Variants in SLC7A7 observed in about 807,000 individuals in gnomAD.
SLC7A7 encodes the protein solute carrier family 7 member 7.
A neutral mutation model predicts 47.9 loss-of-function variants in SLC7A7; 39 were observed. The observed-to-expected ratio is 0.81, with a 90% CI of 0.63 to 1.06. SLC7A7 has a LOEUF of 1.06. Ranked by LOEUF, SLC7A7 falls within the 50% of genes least tolerant of loss-of-function variation. The pLI is 0.00. For synonymous variants in SLC7A7, 234 were observed against 242.8 expected (o/e 0.96, Z 0.34); for missense variants, 588 against 632.0 (o/e 0.93, Z 0.75).
chr14:22,794,330 G>T (rs563879370), intron 2 of SLC7A7, among the ~76,000 whole-genome samples: 1 of 152,084 alleles, frequency 6.6e-6, no homozygotes, highest in Admixed American at 6.6e-5. Flanking sequence ...GAGTCCTCCC[G>T]CTCTCCTTCC....
At chr14:22,810,126 G>A (rs916244345) in intron 2 of SLC7A7, among the ~76,000 whole-genome samples, 2 of 151,032 alleles carry the variant, frequency 1.3e-5, no homozygotes, top group African/African-American at 2.4e-5. Flanking sequence ...TCAGAATCGA[G>A]GAACAAGAGC....
intron 2 of SLC7A7, among the ~76,000 whole-genome samples, chr14:22,810,255 C>T (rs1049064829): frequency 6.7e-6 from 1 of 149,802 alleles, no homozygotes. Flanking sequence ...ACCTGAGGTC[C>T]GGAGTTCGAG....
intron 1 of SLC7A7, among the ~76,000 whole-genome samples, chr14:22,814,259 A>G (rs2138666975): frequency 6.6e-6 from 1 of 151,710 alleles, no homozygotes; most frequent in East Asian, 2.0e-4. Flanking sequence ...CAAGGCGGGC[A>G]GATCACCTAA....
At chr14:22,786,490 T>C (rs1424013154) in intron 2 of SLC7A7, among the ~76,000 whole-genome samples, 4 of 152,206 alleles carry the variant, frequency 2.6e-5, no homozygotes, top group Admixed American at 2.6e-4. Context: ...TGTGTCAGTA[T>C]TTCCCCAGAA....
chr14:22,778,662 G>A, intron 4 of SLC7A7, 131 bp downstream of exon 4: 1 of 906,132 alleles, frequency 1.1e-6, no homozygotes. Flanking sequence ...TGAGCCTCAG[G>A]CCTCCCATCT....
intron 2 of SLC7A7, among the ~76,000 whole-genome samples, chr14:22,802,381 C>T (rs189654676): frequency 3.1e-4 from 47 of 151,664 alleles, no homozygotes; most frequent in Admixed American, 2.0e-3. Context: ...CCAGCCTGGG[C>T]GACAGAGCAA....
chr14:22,778,182 C>A (rs770691943), intron 4 of SLC7A7, among the ~76,000 whole-genome samples: 1 of 152,134 alleles, frequency 6.6e-6, no homozygotes, highest in African/African-American at 2.4e-5. Context: ...GAATTTAACC[C>A]CCTCAATTAC....
At chr14:22,781,242 C>T (rs1244817244) in intron 2 of SLC7A7, among the ~76,000 whole-genome samples, 3 of 152,120 alleles carry the variant, frequency 2.0e-5, no homozygotes, top group Non-Finnish European at 4.4e-5. Flanking sequence ...TCAGAAACAC[C>T]CTCTGAGTTC....
chr14:22,780,008 G>T lies in SLC7A7; in HGVS notation c.543C>A (p.Thr181=). Reference sequence around the variant, plus strand: ...CATAGGTGAAAATATCTTGTACCAGGGTTCCCCATTTGACATAGGCACAGT... The same window carrying T: ...CATAGGTGAAAATATCTTGTACCAGTGTTCCCCATTTGACATAGGCACAGT... ...FINCAYVKWG[T]LVQDIFTYAK... Residue 181 remains threonine, a synonymous_variant, in exon 3 of 10, where the codon ACC becomes ACA. Transcript: ENST00000674313. 4 of 1,613,920 alleles carry T rather than the reference G, an allele frequency of 2.5e-6. No individual in the cohort carries two copies. The highest frequency in any genetic ancestry group is 2.2e-5 in the East Asian group (1 of 44,874).
Position 22,780,012 on chromosome 14 carries a change from C to A in SLC7A7, c.539G>T (p.Gly180Val). The change falls in exon 3 of 10, where the codon GGA becomes GTA. Residue 180 changes from glycine to valine, a missense_variant. By Grantham distance (109) the Gly-to-Val change is moderately radical. Coordinates refer to ENST00000674313, the MANE Select transcript of SLC7A7 (RefSeq NM_003982.4). ...TFINCAYVKWGTLVQDIFTYA... is the reference protein window; with the variant it reads ...TFINCAYVKWVTLVQDIFTYA... ...GGTGAAAATATCTTGTACCAGGGTT[C>A]CCCATTTGACATAGGCACAGTTAAT... 2 of 1,614,024 alleles carry A rather than the reference C, an allele frequency of 1.2e-6. No individual in the cohort carries two copies. Among genetic ancestry groups the A allele is most frequent in the Non-Finnish European group, 1.7e-6 (2 of 1,179,962 alleles).
chr14:22,776,984 A>AG (rs1417723704), intron 4 of SLC7A7, among the ~76,000 whole-genome samples: 10 of 150,170 alleles, frequency 6.7e-5, no homozygotes, highest in Non-Finnish European at 4.4e-5. Context: ...ACAAACCAAA[A>AG]AAAAAAAAAT....
chr14:22,788,574 G>GT (rs1437102480), intron 2 of SLC7A7, among the ~76,000 whole-genome samples: 2 of 151,684 alleles, frequency 1.3e-5, no homozygotes, highest in East Asian at 1.9e-4. Flanking sequence ...CGTGGTGGCG[G>GT]GCACCTGTCA....
chr14:22,785,795 G>A (rs1185643473), intron 2 of SLC7A7, among the ~76,000 whole-genome samples: 2 of 151,644 alleles, frequency 1.3e-5, no homozygotes, highest in Non-Finnish European at 2.9e-5. Flanking sequence ...AGCTGAGGCA[G>A]GCGGATCATG....
chr14:22,776,109 A>G, intron 5 of SLC7A7, 86 bp downstream of exon 5: 17 of 1,578,556 alleles, frequency 1.1e-5, no homozygotes, highest in Non-Finnish European at 1.4e-5. Context: ...AAGGCTGTCT[A>G]CCCCCTTTCC....
chr14:22,773,267 T>C lies in SLC7A7; in HGVS notation c.*343A>G. ...TTGTCATCCAGCACCTGTGATAGTT[T>C]CATGTCTCTCTAAAGGAGACAGGAA... On this transcript the variant is annotated 3_prime_UTR_variant, in exon 10 of 10. Coordinates refer to ENST00000674313, the MANE Select transcript of SLC7A7 (RefSeq NM_003982.4). 1 of 451,386 alleles carries C rather than the reference T, an allele frequency of 2.2e-6. No individual in the cohort carries two copies. The highest frequency in any genetic ancestry group is 4.3e-6 in the Non-Finnish European group (1 of 233,046). 28.0% of individuals were successfully genotyped at this position (451,386 alleles called of 1,614,324 possible). A position where few individuals can be genotyped will look rare whatever the true frequency, so the allele number is the denominator to read the frequency against.
At chr14:22,776,383 C>G (rs1355301808) in intron 4 of SLC7A7, 65 bp from the exon 5 acceptor site, 6 of 1,600,128 alleles carry the variant, frequency 3.7e-6, no homozygotes, top group Middle Eastern at 1.7e-4. Context: ...TCCTTTAATC[C>G]TTAGACTCTC....
intron 2 of SLC7A7, among the ~76,000 whole-genome samples, chr14:22,785,585 A>G (rs2038798522): frequency 6.6e-6 from 1 of 151,130 alleles, no homozygotes; most frequent in South Asian, 2.1e-4. Flanking sequence ...AAAATTGGCC[A>G]GGCGTGGTGG....
In SLC7A7 at chr14:22,790,335, A is replaced by C. The variant is rs2038903000; in HGVS notation, c.500-10284T>G. Among the ~76,000 whole-genome samples, 7 of 8,824 alleles carry C rather than the reference A, an allele frequency of 7.9e-4. No homozygotes were observed. The Admixed American group carries it at 0.01, about 13-fold the overall frequency. 5.8% of individuals were successfully genotyped at this position (8,824 alleles called of 152,430 possible). ...ACAGAGCAAGACTGTCTCAAAAAAA[A>C]AAAAAAAAAAAAAAAAAAAACCTAA... On this transcript the variant is annotated intron_variant, in intron 2 of 9. Transcript: ENST00000674313.
At position 22,780,022 on chromosome 14, in the gene SLC7A7, C is replaced by G; in HGVS notation, c.529G>C (p.Val177Leu). Residue 177 changes from valine (V) to leucine (L), a missense_variant, in exon 3 of 10, where the codon GTC (valine) becomes CTC (leucine). By Grantham distance (32) the Val-to-Leu change is conservative. Coordinates refer to ENST00000674313, the MANE Select transcript of SLC7A7 (RefSeq NM_003982.4). ...CLLTFINCAY[V>L]KWGTLVQDIF... ...TCTTGTACCAGGGTTCCCCATTTGA[C>G]ATAGGCACAGTTAATGAAGGTTAAG... 6.2e-7 allele frequency: 1 copy of G among 1,614,120 alleles called. No individual in the cohort carries two copies. Among genetic ancestry groups the G allele is most frequent in the South Asian group, 1.1e-5 (1 of 91,088 alleles).
Sources: allele counts gnomAD v4.1 joint callset (sites outside exome capture counted in the v4.1 genomes callset), GRCh38; gene constraint gnomAD v4.1.1; transcripts MANE v1.5; gene names NCBI Gene and HGNC (gene_info 2026-07-23, HGNC 2026-07-21).